Variants in TENM2 observed in about 807,000 individuals in gnomAD.
The protein encoded by TENM2 is teneurin-2.
In TENM2, 52 loss-of-function variants were observed where a neutral mutation model predicts 245.2. The observed-to-expected ratio is 0.21, with a 90% CI of 0.17 to 0.27. The LOEUF is 0.27. TENM2 is among the 10% of genes least tolerant of loss of function. TENM2 has a pLI of 1.00. For synonymous variants in TENM2, 1,363 were observed against 1,438.9 expected (o/e 0.95, Z 1.19); for missense variants, 3,046 against 3,666.8 (o/e 0.83, Z 4.37).
intron 2 of TENM2, among the ~76,000 whole-genome samples, chr5:167,694,361 T>G (rs934270728): frequency 2.0e-5 from 3 of 152,178 alleles, no homozygotes; most frequent in Non-Finnish European, 2.9e-5. Context: ...TCCCAGGTGA[T>G]TCTCATCCAC....
intron 2 of TENM2, among the ~76,000 whole-genome samples, chr5:167,869,198 G>A (rs1433625289): frequency 1.3e-5 from 2 of 152,186 alleles, no homozygotes; most frequent in Non-Finnish European, 2.9e-5. Flanking sequence ...AATAAGGCAG[G>A]TATGAAGGAA....
chr5:167,697,933 T>A (rs1757875807), intron 2 of TENM2, among the ~76,000 whole-genome samples: 1 of 152,202 alleles, frequency 6.6e-6, no homozygotes, highest in African/African-American at 2.4e-5. Context: ...GAAAAATAAG[T>A]CATCGGGAAC....
At chr5:168,165,810 A>T (rs1758239927) in intron 13 of TENM2, 1 of 151,922 alleles carries the variant, frequency 6.6e-6, no homozygotes. Flanking sequence ...AAAAAAAAAA[A>T]AAAAGGCTGC....
the TENM2 span, among the ~76,000 whole-genome samples, chr5:167,010,757 G>A: frequency 6.6e-6 from 1 of 151,970 alleles, no homozygotes; most frequent in African/African-American, 2.4e-5. Context: ...ATTTTTTGTT[G>A]TTTTTGTGGC....
intron 2 of TENM2, chr5:167,755,062 C>A: frequency 6.3e-7 from 1 of 1,597,412 alleles, no homozygotes. Flanking sequence ...CGATGGTGAG[C>A]CCACCTCTCC....
intron 2 of TENM2, among the ~76,000 whole-genome samples, chr5:167,584,749 C>T (rs1171048500): frequency 6.6e-6 from 1 of 150,956 alleles, no homozygotes; most frequent in East Asian, 2.0e-4. Context: ...GGCTGGAGTG[C>T]AGTGGCACAA....
At chr5:167,684,178 C>T (rs1410303253) in intron 2 of TENM2, among the ~76,000 whole-genome samples, 1 of 152,184 alleles carries the variant, frequency 6.6e-6, no homozygotes, top group African/African-American at 2.4e-5. Context: ...TCTCTAATAC[C>T]CACTGGGTGC....
At chr5:167,705,108 GC>G (rs1357933169) in intron 2 of TENM2, among the ~76,000 whole-genome samples, 6 of 152,112 alleles carry the variant, frequency 3.9e-5, no homozygotes, top group African/African-American at 1.4e-4. Flanking sequence ...CTACCCCTGG[GC>G]TTTTTGTGCA....
At chr5:167,489,795 T>C (rs895517661) in intron 2 of TENM2, among the ~76,000 whole-genome samples, 7 of 152,218 alleles carry the variant, frequency 4.6e-5, no homozygotes, top group Non-Finnish European at 5.9e-5. Context: ...ATATATGTTA[T>C]GTTGACATGA....
chr5:168,040,363 T>A (rs1788078266), intron 5 of TENM2, among the ~76,000 whole-genome samples: 1 of 152,172 alleles, frequency 6.6e-6, no homozygotes, highest in Non-Finnish European at 1.5e-5. Flanking sequence ...TTCCTCTTCT[T>A]TGTAATTCCT....
rs952141884 is a variant in TENM2, at chr5:167,750,363, T to C, written c.503-125623T>C. Reference sequence around the variant, plus strand: ...GAGTCTGATTCTCAGAGTTTGCATGTTTCTCCTTGACTCTTGATATCCTGA... The same window carrying C: ...GAGTCTGATTCTCAGAGTTTGCATGCTTCTCCTTGACTCTTGATATCCTGA... On this transcript the variant is annotated intron_variant, in intron 2 of 28. Coordinates refer to ENST00000518659, the Ensembl canonical transcript of TENM2. Among the ~76,000 whole-genome samples, 3 of 152,146 alleles carry C rather than the reference T, an allele frequency of 2.0e-5. No individual in the cohort carries two copies. In the East Asian group the frequency reaches 5.8e-4, roughly 29 times the overall value.
chr5:167,702,860 T>G (rs1450191921), intron 2 of TENM2, among the ~76,000 whole-genome samples: 1 of 152,058 alleles, frequency 6.6e-6, no homozygotes, highest in Non-Finnish European at 1.5e-5. Flanking sequence ...AGACGGTGTT[T>G]CACCATGTTG....
intron 5 of TENM2, among the ~76,000 whole-genome samples, chr5:168,001,522 A>G (rs1784421340): frequency 6.6e-6 from 1 of 152,238 alleles, no homozygotes; most frequent in Non-Finnish European, 1.5e-5. Context: ...CCGAGTAGAG[A>G]AAAGAACTAT....
At chr5:167,987,708 T>C (rs1465551543) in intron 4 of TENM2, among the ~76,000 whole-genome samples, 1 of 151,896 alleles carries the variant, frequency 6.6e-6, no homozygotes, top group Non-Finnish European at 1.5e-5. Context: ...TAACACTGAG[T>C]GCCGCGTTAA....
intron 10 of TENM2, among the ~76,000 whole-genome samples, chr5:168,122,715 A>AT (rs377512006): frequency 2.0e-5 from 3 of 151,680 alleles, no homozygotes; most frequent in African/African-American, 4.8e-5. Context: ...TGTACCCCTG[A>AT]TTTTTTTTTA....
chr5:167,219,519 G>C, the TENM2 span, among the ~76,000 whole-genome samples: 3 of 152,158 alleles, frequency 2.0e-5, no homozygotes, highest in African/African-American at 7.2e-5. Flanking sequence ...GCTCTTTACA[G>C]GGCCATTGTT....
At chr5:167,894,967 A>T (rs995197587) in intron 3 of TENM2, among the ~76,000 whole-genome samples, 6 of 131,268 alleles carry the variant, frequency 4.6e-5, no homozygotes, top group Middle Eastern at 3.7e-3. Context: ...GGAAGGAAGG[A>T]AGGAAGGAAG....
At chr5:167,521,448 T>C (rs983280823) in intron 2 of TENM2, among the ~76,000 whole-genome samples, 2 of 152,186 alleles carry the variant, frequency 1.3e-5, no homozygotes, top group Admixed American at 1.3e-4. Context: ...GAATTAGACA[T>C]GGTGAAAACC....
chr5:167,566,061 A>G (rs1186072901), intron 2 of TENM2, among the ~76,000 whole-genome samples: 1 of 152,210 alleles, frequency 6.6e-6, no homozygotes, highest in African/African-American at 2.4e-5. Flanking sequence ...TGGTACATCT[A>G]AAGTTTTAGG....
Sources: allele counts gnomAD v4.1 joint callset (sites outside exome capture counted in the v4.1 genomes callset), GRCh38; gene constraint gnomAD v4.1.1; transcripts MANE v1.5; gene names NCBI Gene and HGNC (gene_info 2026-07-23, HGNC 2026-07-21).